OR2L13: variants seen among roughly 807,000 people sequenced by gnomAD.
OR2L13 encodes the protein olfactory receptor family 2 subfamily L member 13, also known as olfactory receptor 2L13.
OR2L13 carries 14 observed loss-of-function variants against 15.3 expected under a neutral mutation model. The observed-to-expected ratio is 0.91, with a 90% CI of 0.60 to 1.43. The LOEUF (loss-of-function observed/expected upper bound fraction) is 1.43, where lower values mean the gene tolerates loss of function less well. Ranked by LOEUF, OR2L13 falls within the 40% of genes most tolerant of loss-of-function variation. The pLI, the probability that OR2L13 is intolerant of heterozygous loss-of-function variation, is 0.00. For synonymous variants in OR2L13, 152 were observed against 142.9 expected, an observed-to-expected ratio of 1.06 and a Z score of -0.45; for missense variants, 367 against 387.9, an observed-to-expected ratio of 0.95 and a Z score of 0.45.
the OR2L13 span, among the ~76,000 whole-genome samples, chr1:248,064,780 A>G: frequency 5.3e-5 from 8 of 152,212 alleles, no homozygotes; most frequent in African/African-American, 1.9e-4. Flanking sequence ...AGTCCCACCT[A>G]CTGACATTCC....
chr1:247,964,869 TATAG>T, the OR2L13 span, among the ~76,000 whole-genome samples: 6 of 148,790 alleles, frequency 4.0e-5, no homozygotes, highest in Non-Finnish European at 1.5e-5. Context: ...TTGAAGTATA[TATAG>T]AAATTACATA....
At chr1:248,065,470 C>T in the OR2L13 span, among the ~76,000 whole-genome samples, 9,679 of 150,924 alleles carry the variant, frequency 0.064, 334 homozygotes, top group East Asian at 0.12. Flanking sequence ...TTTTAGGGTA[C>T]ATGTGCACAA....
At chr1:248,013,503 CA>C in the OR2L13 span, among the ~76,000 whole-genome samples, 3 of 152,068 alleles carry the variant, frequency 2.0e-5, no homozygotes, top group Non-Finnish European at 4.4e-5. Flanking sequence ...TGAATACCAG[CA>C]AAACAACTGT....
chr1:248,080,943 T>G, the OR2L13 span, among the ~76,000 whole-genome samples: 1 of 152,188 alleles, frequency 6.6e-6, no homozygotes, highest in Non-Finnish European at 1.5e-5. Flanking sequence ...AACTCCTCAT[T>G]CGAAATTTTG....
the OR2L13 span, among the ~76,000 whole-genome samples, chr1:248,065,313 C>T: frequency 3.3e-5 from 5 of 152,044 alleles, no homozygotes; most frequent in Admixed American, 6.5e-5. Flanking sequence ...TCATACCACA[C>T]AGTGTGCATT....
At chr1:247,982,600 A>T in the OR2L13 span, among the ~76,000 whole-genome samples, 1 of 152,160 alleles carries the variant, frequency 6.6e-6, no homozygotes, top group African/African-American at 2.4e-5. Flanking sequence ...TAGTATATTA[A>T]ATGTGTATTT....
At chr1:248,021,912 T>A in the OR2L13 span, 3 of 1,543,790 alleles carry the variant, frequency 1.9e-6, no homozygotes, top group Non-Finnish European at 2.7e-6. Flanking sequence ...GACTTACCCT[T>A]GTGTCTCCCT....
the OR2L13 span, among the ~76,000 whole-genome samples, chr1:247,971,931 A>C: frequency 2.0e-5 from 3 of 152,230 alleles, no homozygotes; most frequent in Non-Finnish European, 4.4e-5. Flanking sequence ...CTGAGACCAC[A>C]GTGCAATCAA....
chr1:247,966,008 T>C, the OR2L13 span: 1 of 1,613,406 alleles, frequency 6.2e-7, no homozygotes, highest in Non-Finnish European at 8.5e-7. Flanking sequence ...CTACTACCAT[T>C]CCTAGCCATT....
At chr1:248,093,448 G>T (rs1376721631), upstream of OR2L13, among the ~76,000 whole-genome samples, 2 of 152,056 alleles carry the variant, frequency 1.3e-5, no homozygotes, top group African/African-American at 4.8e-5. Flanking sequence ...TTTGAGTTTT[G>T]CACTGAGTTA....
chr1:247,946,722 C>T, the OR2L13 span, among the ~76,000 whole-genome samples: 6 of 152,140 alleles, frequency 3.9e-5, no homozygotes, highest in East Asian at 1.2e-3. Context: ...TGGATAGCGA[C>T]CTGCTCCCTC....
chr1:248,004,631 T>A, the OR2L13 span, among the ~76,000 whole-genome samples: 1 of 152,094 alleles, frequency 6.6e-6, no homozygotes, highest in Non-Finnish European at 1.5e-5. Flanking sequence ...CTATGACAAG[T>A]TTATGTGTTT....
the OR2L13 span, chr1:248,038,644 G>C: frequency 1.9e-6 from 3 of 1,614,164 alleles, no homozygotes; most frequent in East Asian, 6.7e-5. Flanking sequence ...GTGGCCATTT[G>C]CTTTCCTCTC....
the OR2L13 span, chr1:248,003,574 G>A: frequency 1.9e-6 from 3 of 1,612,376 alleles, no homozygotes; most frequent in South Asian, 2.2e-5. Flanking sequence ...CAGGATCTTG[G>A]ATCATAGGCT....
At chr1:248,050,182 G>C in the OR2L13 span, among the ~76,000 whole-genome samples, 10 of 151,910 alleles carry the variant, frequency 6.6e-5, no homozygotes, top group Non-Finnish European at 1.0e-4. Context: ...CTCTGAAATA[G>C]TGACCAGGAC....
chr1:248,038,745 G>A, the OR2L13 span: 3,221 of 1,614,180 alleles, frequency 2.0e-3, 9 homozygotes, highest in Non-Finnish European at 2.5e-3. Flanking sequence ...TGCTCACACA[G>A]TATATGCACT....
At chr1:247,996,738 C>G in the OR2L13 span, among the ~76,000 whole-genome samples, 1 of 152,260 alleles carries the variant, frequency 6.6e-6, no homozygotes, top group South Asian at 2.1e-4. Flanking sequence ...ATTCTTACCT[C>G]CTCTTTCAGC....
At chr1:248,010,763 G>GTTTCTTTTTTTTTT in the OR2L13 span, among the ~76,000 whole-genome samples, 1 of 44,462 alleles carries the variant, frequency 2.2e-5, no homozygotes. Flanking sequence ...CTTTGTTGTT[G>GTTTCTTTTTTTTTT]TTTTTTTTTT....
At chr1:248,002,568 CTG>C in the OR2L13 span, among the ~76,000 whole-genome samples, 56 of 152,292 alleles carry the variant, frequency 3.7e-4, 1 homozygote, top group African/African-American at 1.3e-3. Flanking sequence ...CTTTTAAAAA[CTG>C]TATACAGGCC....
Sources: allele counts gnomAD v4.1 joint callset (sites outside exome capture counted in the v4.1 genomes callset), GRCh38; gene constraint gnomAD v4.1.1; transcripts MANE v1.5; gene names NCBI Gene and HGNC (gene_info 2026-07-23, HGNC 2026-07-21).